Variants in ZBBX observed in about 807,000 individuals in gnomAD.
The protein encoded by ZBBX is zinc finger B-box domain-containing protein 1.
ZBBX carries 101 observed loss-of-function variants against 108.5 expected under a neutral mutation model. The ratio of observed to expected loss-of-function variants is 0.93; its 90% CI spans 0.79 to 1.10. The LOEUF (loss-of-function observed/expected upper bound fraction) is 1.10, where lower values mean the gene tolerates loss of function less well. ZBBX is among the 50% of genes least tolerant of loss of function. The probability of loss-of-function intolerance (pLI) is 0.00; values close to 1 mark genes in which losing one functional copy is unlikely to be tolerated. For synonymous variants in ZBBX, 356 were observed against 323.4 expected, an observed-to-expected ratio of 1.10 and a Z score of -1.08; for missense variants, 1,009 against 941.4, an observed-to-expected ratio of 1.07 and a Z score of -0.94.
At chr3:167,253,323 G>T (rs375533955) in intron 20 of ZBBX, among the ~76,000 whole-genome samples, 4 of 152,054 alleles carry the variant, frequency 2.6e-5, no homozygotes, top group African/African-American at 7.2e-5. Context: ...CCAATACCAC[G>T]TCAATAGGGA....
intron 10 of ZBBX, among the ~76,000 whole-genome samples, chr3:167,331,173 GCC>G (rs1738561001): frequency 2.9e-5 from 2 of 69,992 alleles, no homozygotes; most frequent in African/African-American, 6.5e-5. Context: ...TGTTATGGCA[GCC>G]TGAGAAGGCT....
intron 18 of ZBBX, among the ~76,000 whole-genome samples, chr3:167,297,275 AGACCATTCAATGGGG>A (rs1292027658): frequency 6.6e-6 from 1 of 152,010 alleles, no homozygotes; most frequent in Non-Finnish European, 1.5e-5. Context: ...AAGGGTGCCT[AGACCATTCAATGGGG>A]GAAAGAAAGG....
At chr3:167,214,123 G>T in the ZBBX span, among the ~76,000 whole-genome samples, 1 of 152,060 alleles carries the variant, frequency 6.6e-6, no homozygotes, top group African/African-American at 2.4e-5. Flanking sequence ...AAGCAACCAC[G>T]CAAGTAAGCC....
Position 167,322,256 on chromosome 3 carries a change from T to C in ZBBX, c.863-19A>G, listed in dbSNP as rs1185303403. 4 of 1,430,072 alleles carry C rather than the reference T, an allele frequency of 2.8e-6. No individual in the cohort carries two copies. The highest frequency in any genetic ancestry group is 1.5e-5 in the African/African-American group (1 of 67,750). 88.6% of individuals were successfully genotyped at this position (1,430,072 alleles called of 1,614,324 possible). A position where few individuals can be genotyped will look rare whatever the true frequency, so the allele number is the denominator to read the frequency against. On this transcript the variant is annotated intron_variant, in intron 11 of 21. Coordinates refer to ENST00000675490, the MANE Select transcript of ZBBX (RefSeq NM_001199201.2). ...AATGAGTCTGTAAAAATAAACACAA[T>C]GTGCATAATTAAAATAAGCAAGTTT...
intron 11 of ZBBX, among the ~76,000 whole-genome samples, chr3:167,324,159 C>A (rs1323407953): frequency 6.7e-6 from 1 of 149,634 alleles, no homozygotes; most frequent in African/African-American, 2.5e-5. Context: ...TTTTTTTTTT[C>A]TTTGTGATAG....
intron 8 of ZBBX, among the ~76,000 whole-genome samples, chr3:167,354,098 C>T (rs541973844): frequency 3.0e-4 from 45 of 152,008 alleles, no homozygotes; most frequent in Non-Finnish European, 5.0e-4. Flanking sequence ...TTACATTAGC[C>T]TACATTTGAG....
intron 9 of ZBBX, among the ~76,000 whole-genome samples, chr3:167,343,795 T>C (rs572194431): frequency 6.6e-6 from 1 of 151,904 alleles, no homozygotes; most frequent in Non-Finnish European, 1.5e-5. Flanking sequence ...GCAGCCACTT[T>C]GAAAAACAGT....
At chr3:167,374,139 T>TTA (rs150556291) in intron 2 of ZBBX, among the ~76,000 whole-genome samples, 10 of 151,690 alleles carry the variant, frequency 6.6e-5, no homozygotes, top group South Asian at 2.1e-4. Context: ...AATATCCTTT[T>TTA]TATATATATA....
intron 11 of ZBBX, among the ~76,000 whole-genome samples, chr3:167,325,931 C>G (rs529394356): frequency 6.6e-6 from 1 of 152,118 alleles, no homozygotes; most frequent in East Asian, 1.9e-4. Flanking sequence ...GGAAAATAGT[C>G]ATGTCACACT....
At chr3:167,342,669 T>C (rs528966474) in intron 9 of ZBBX, among the ~76,000 whole-genome samples, 1 of 151,810 alleles carries the variant, frequency 6.6e-6, no homozygotes, top group South Asian at 2.1e-4. Flanking sequence ...CTATTCTAAT[T>C]TCTGCTTCTA....
chr3:167,226,370 C>T, the ZBBX span, among the ~76,000 whole-genome samples: 1 of 151,682 alleles, frequency 6.6e-6, no homozygotes, highest in Non-Finnish European at 1.5e-5. Context: ...CTCTCGGAAA[C>T]AAATGAGTGA....
intron 10 of ZBBX, among the ~76,000 whole-genome samples, chr3:167,330,205 T>C (rs1248822616): frequency 6.6e-6 from 1 of 151,902 alleles, no homozygotes; most frequent in Admixed American, 6.6e-5. Flanking sequence ...CAAAGTTAAG[T>C]GAAAAAAAAT....
At chr3:167,405,043 G>C (rs73879702) in intron 1 of ZBBX, among the ~76,000 whole-genome samples, 4,761 of 152,198 alleles carry the variant, frequency 0.031, 251 homozygotes, top group African/African-American at 0.11. Context: ...AATTTTTAAG[G>C]GTTCTTGCTA....
the ZBBX span, among the ~76,000 whole-genome samples, chr3:167,203,208 C>T: frequency 2.6e-5 from 4 of 152,072 alleles, no homozygotes; most frequent in Admixed American, 1.3e-4. Context: ...TGCATGTGGC[C>T]ACCTTCTCAA....
chr3:167,331,992 G>T (rs1171341225), intron 10 of ZBBX, among the ~76,000 whole-genome samples: 2 of 152,114 alleles, frequency 1.3e-5, no homozygotes, highest in East Asian at 1.9e-4. Context: ...ATCAGGCATT[G>T]GTACCATTTG....
the ZBBX span, among the ~76,000 whole-genome samples, chr3:167,187,130 T>G: frequency 1.3e-5 from 2 of 152,138 alleles, no homozygotes; most frequent in South Asian, 4.1e-4. Context: ...TTTATTTTGT[T>G]CGGTTTTGTT....
the ZBBX span, among the ~76,000 whole-genome samples, chr3:167,179,109 A>G: frequency 6.6e-6 from 1 of 152,150 alleles, no homozygotes; most frequent in African/African-American, 2.4e-5. Flanking sequence ...ACACAGGCAG[A>G]AGACTCTCAT....
At chr3:167,284,659 C>T (rs1401879997) in intron 19 of ZBBX, among the ~76,000 whole-genome samples, 1 of 151,994 alleles carries the variant, frequency 6.6e-6, no homozygotes, top group African/African-American at 2.4e-5. Flanking sequence ...GTAATTGATC[C>T]CCATTGAGAA....
intron 17 of ZBBX, among the ~76,000 whole-genome samples, chr3:167,304,573 A>T (rs1486885751): frequency 5.3e-5 from 8 of 152,308 alleles, no homozygotes; most frequent in Admixed American, 2.6e-4. Context: ...ATAGGCACGG[A>T]TTAACAATAA....
Sources: allele counts gnomAD v4.1 joint callset (sites outside exome capture counted in the v4.1 genomes callset), GRCh38; gene constraint gnomAD v4.1.1; transcripts MANE v1.5; gene names NCBI Gene and HGNC (gene_info 2026-07-23, HGNC 2026-07-21).